The following CCDC171 variants were observed in gnomAD, a reference collection of about 807,000 sequenced individuals.
CCDC171 encodes the protein coiled-coil domain containing 171, also known as coiled-coil domain-containing protein 171.
A neutral mutation model predicts 168.2 loss-of-function variants in CCDC171; 177 were observed. The observed-to-expected ratio is 1.05, with a 90% confidence interval of 0.93 to 1.19. The LOEUF (loss-of-function observed/expected upper bound fraction) is 1.19. Among genes scored for constraint, CCDC171 ranks in the 50% most tolerant of loss-of-function variants. CCDC171 has a pLI of 0.00. For missense variants in CCDC171, 1,991 were observed against 1,539.0 expected, an observed-to-expected ratio of 1.29 and a Z score of -4.91; for synonymous variants, 687 against 540.8, an observed-to-expected ratio of 1.27 and a Z score of -3.75.
intron 21 of CCDC171, among the ~76,000 whole-genome samples, chr9:15,846,136 G>A (rs2060883734): frequency 6.6e-6 from 1 of 152,064 alleles, no homozygotes; most frequent in Admixed American, 6.6e-5. Context: ...TTACTGGGAA[G>A]CAAGTAGATT....
At chr9:15,908,326 T>TA (rs1406863733) in intron 24 of CCDC171, among the ~76,000 whole-genome samples, 1 of 152,142 alleles carries the variant, frequency 6.6e-6, no homozygotes, top group East Asian at 1.9e-4. Flanking sequence ...TATGCAGCCA[T>TA]AAAAAATGAT....
chr9:16,080,687 T>C, the CCDC171 span, among the ~76,000 whole-genome samples: 2 of 152,130 alleles, frequency 1.3e-5, no homozygotes, highest in African/African-American at 4.8e-5. Context: ...TAAATCAGTG[T>C]TCTTAGCGGT....
chr9:15,576,615 G>A (rs1324929341), intron 3 of CCDC171, among the ~76,000 whole-genome samples: 1 of 152,200 alleles, frequency 6.6e-6, no homozygotes, highest in African/African-American at 2.4e-5. Flanking sequence ...GAAAGTGCTA[G>A]TATTTTGACC....
chr9:15,871,508 A>G (rs2062037466), intron 23 of CCDC171, among the ~76,000 whole-genome samples: 2 of 151,924 alleles, frequency 1.3e-5, no homozygotes, highest in Admixed American at 1.3e-4. Context: ...TTCTAATATT[A>G]CTTCAAAACT....
At chr9:15,796,865 C>G (rs1424883869) in intron 21 of CCDC171, among the ~76,000 whole-genome samples, 3 of 152,202 alleles carry the variant, frequency 2.0e-5, no homozygotes, top group Non-Finnish European at 2.9e-5. Flanking sequence ...CTATAGCAGA[C>G]TCAAGCACCA....
At chr9:15,990,149 A>G (rs1300221167) in intron 3 of CCDC171, among the ~76,000 whole-genome samples, 3 of 152,166 alleles carry the variant, frequency 2.0e-5, no homozygotes, top group South Asian at 2.1e-4. Flanking sequence ...AGTTGAAATG[A>G]AGGAAAAAAT....
chr9:16,098,690 A>G, the CCDC171 span, among the ~76,000 whole-genome samples: 1 of 152,172 alleles, frequency 6.6e-6, no homozygotes, highest in Non-Finnish European at 1.5e-5. Context: ...GGTTTTTGCC[A>G]CCTTGAATTG....
At chr9:16,066,048 G>A (rs1189630797), downstream of CCDC171, among the ~76,000 whole-genome samples, 4 of 152,190 alleles carry the variant, frequency 2.6e-5, no homozygotes, top group East Asian at 5.8e-4. Flanking sequence ...GGTCCTTTCC[G>A]TCCATCCCAC....
At chr9:15,925,655 AATGG>A (rs374951274) in intron 25 of CCDC171, among the ~76,000 whole-genome samples, 9 of 151,636 alleles carry the variant, frequency 5.9e-5, no homozygotes, top group Non-Finnish European at 1.3e-4. Context: ...TGCTTTTGGA[AATGG>A]ATCAATGGTC....
intron 3 of CCDC171, among the ~76,000 whole-genome samples, chr9:16,000,539 T>C (rs1309560998): frequency 6.6e-6 from 1 of 152,168 alleles, no homozygotes; most frequent in Non-Finnish European, 1.5e-5. Flanking sequence ...TGGGGAGCGA[T>C]TGCAGAGAAT....
chr9:15,651,680 T>C (rs904101296), intron 7 of CCDC171, among the ~76,000 whole-genome samples: 2 of 152,174 alleles, frequency 1.3e-5, no homozygotes, highest in African/African-American at 4.8e-5. Context: ...AATGACAGCA[T>C]TTCACTCTTT....
chr9:15,600,409 C>G (rs368946648), intron 6 of CCDC171, among the ~76,000 whole-genome samples: 79 of 152,210 alleles, frequency 5.2e-4, no homozygotes, highest in African/African-American at 1.7e-3. Context: ...CACTCCAGAC[C>G]CTGTTTGCCT....
intron 4 of CCDC171, among the ~76,000 whole-genome samples, chr9:15,587,861 A>G (rs980845387): frequency 5.3e-5 from 8 of 152,364 alleles, no homozygotes; most frequent in Middle Eastern, 6.8e-3. Flanking sequence ...AAGAAGTAGC[A>G]TTAATTTCCT....
intron 4 of CCDC171, chr9:15,587,563 C>T (rs531296957): frequency 4.9e-5 from 22 of 450,052 alleles, no homozygotes; most frequent in South Asian, 1.1e-4. Context: ...AAAAAACAGA[C>T]GAATACAAAG....
chr9:15,788,660 C>A (rs916884957), intron 21 of CCDC171, among the ~76,000 whole-genome samples: 1 of 151,630 alleles, frequency 6.6e-6, no homozygotes, highest in African/African-American at 2.4e-5. Context: ...AGTAATTCTC[C>A]TGCCTCACCC....
chr9:16,098,786 C>A, the CCDC171 span, among the ~76,000 whole-genome samples: 2 of 152,100 alleles, frequency 1.3e-5, no homozygotes, highest in Non-Finnish European at 2.9e-5. Context: ...GGAATATTCC[C>A]CCTTTGAAGA....
At chr9:15,892,407 A>G (rs566221587) in intron 24 of CCDC171, among the ~76,000 whole-genome samples, 6 of 152,282 alleles carry the variant, frequency 3.9e-5, no homozygotes, top group Non-Finnish European at 7.4e-5. Flanking sequence ...AGTTTTTAAC[A>G]TGCAGGGATG....
intron 24 of CCDC171, chr9:15,886,755 TACACACAC>T (rs138604856): frequency 2.0e-5 from 3 of 146,652 alleles, no homozygotes; most frequent in Non-Finnish European, 3.0e-5. Flanking sequence ...GAAATGTTTA[TACACACAC>T]ACACACACAC....
At chr9:15,917,524 C>T (rs570127724) in intron 24 of CCDC171, among the ~76,000 whole-genome samples, 93 of 151,546 alleles carry the variant, frequency 6.1e-4, no homozygotes, top group East Asian at 2.7e-3. Context: ...ATTAATATTT[C>T]GCTGAATATT....
Sources: gnomAD v4.1 joint callset for allele counts (sites outside exome capture counted in the v4.1 genomes callset) on GRCh38, gnomAD v4.1.1 for gene constraint, MANE v1.5 for transcripts, NCBI Gene and HGNC (gene_info 2026-07-23, HGNC 2026-07-21) for gene names.